PTPDC1: variants seen among roughly 807,000 people sequenced by gnomAD.
PTPDC1 encodes the protein protein tyrosine phosphatase domain containing 1.
A neutral mutation model predicts 75.3 loss-of-function variants in PTPDC1; 53 were observed. The observed-to-expected ratio is 0.70, with a 90% CI of 0.56 to 0.88. The LOEUF (loss-of-function observed/expected upper bound fraction) is 0.88. Among genes scored for constraint, PTPDC1 ranks in the 40% least tolerant of loss-of-function variants. The probability of loss-of-function intolerance (pLI) is 0.00; values close to 1 mark genes in which losing one functional copy is unlikely to be tolerated. For synonymous variants in PTPDC1, 349 were observed against 366.2 expected, an observed-to-expected ratio of 0.95 and a Z score of 0.54; for missense variants, 925 against 998.6, an observed-to-expected ratio of 0.93 and a Z score of 0.99.
chr9:94,054,087 G>C (rs1209357708), intron 1 of PTPDC1, among the ~76,000 whole-genome samples: 2 of 152,148 alleles, frequency 1.3e-5, no homozygotes, highest in Non-Finnish European at 2.9e-5. Flanking sequence ...TGACAAAGCA[G>C]ACAAAAAAAA....
At chr9:94,087,955 T>G in intron 3 of PTPDC1, 44 bp downstream of exon 3, 1 of 1,555,690 alleles carries the variant, frequency 6.4e-7, no homozygotes, top group Non-Finnish European at 8.9e-7. Flanking sequence ...AACTCATGTG[T>G]TTTTTTCTTT....
chr9:94,035,211 T>G (rs747886718), intron 1 of PTPDC1, among the ~76,000 whole-genome samples: 4 of 152,332 alleles, frequency 2.6e-5, no homozygotes, highest in South Asian at 2.1e-4. Context: ...TGCAATATAA[T>G]GTAATACACT....
chr9:94,050,877 G>A (rs940493869), intron 1 of PTPDC1, among the ~76,000 whole-genome samples: 61 of 152,198 alleles, frequency 4.0e-4, no homozygotes, highest in Non-Finnish European at 8.1e-4. Flanking sequence ...CGAGCTTCTC[G>A]GCCGCTTTGT....
Position 94,107,953 on chromosome 9 carries a change from CGTG to C in PTPDC1, c.*13_*15del, listed in dbSNP as rs750955689. The C allele has an allele frequency of 1.5e-5, 23 of 1,505,854 alleles. No individual in the cohort carries two copies. The highest frequency in any genetic ancestry group is 1.7e-4 in the Middle Eastern group (1 of 5,832). The allele number at this position is 1,505,854 out of a possible 1,614,324, so 93.3% of individuals were successfully genotyped here. A position where few individuals can be genotyped will look rare whatever the true frequency, so the allele number is the denominator to read the frequency against. On this transcript the variant is annotated 3_prime_UTR_variant, in exon 9 of 9. Coordinates refer to ENST00000620992, the MANE Select transcript of PTPDC1 (RefSeq NM_001253829.2). ...CTAAGCCTGGCCTCTAGCTTTCACT[CGTG>C]GTGAATATTTCAGACCTAAAGATCC...
At chr9:94,051,439 A>T (rs562042839) in intron 1 of PTPDC1, among the ~76,000 whole-genome samples, 6 of 152,158 alleles carry the variant, frequency 3.9e-5, no homozygotes, top group Non-Finnish European at 8.8e-5. Context: ...GAAATTCTTT[A>T]TCTAGTTTTG....
At chr9:94,105,770 C>T (rs1286384555) in intron 8 of PTPDC1, among the ~76,000 whole-genome samples, 1 of 151,286 alleles carries the variant, frequency 6.6e-6, no homozygotes, top group Non-Finnish European at 1.5e-5. Flanking sequence ...AGATCAAGAC[C>T]ATCCTGGATA....
chr9:94,087,696 T>G (rs1470174734), intron 2 of PTPDC1, 135 bp from the exon 3 acceptor site: 2 of 663,354 alleles, frequency 3.0e-6, no homozygotes, highest in African/African-American at 1.8e-5. Context: ...CAAATAAAAT[T>G]TATACACAAA....
rs1253851790 is a variant in PTPDC1, at chr9:94,088,687, T to G, written c.616+424T>G. On this transcript the variant is annotated intron_variant, in intron 4 of 8. Coordinates refer to ENST00000620992, the MANE Select transcript of PTPDC1 (RefSeq NM_001253829.2). ...CCTGGACATGCTCCAGGTTTACTGC[T>G]GTCCAGCCCTGCTCCCAAAATGATG... Among the ~76,000 whole-genome samples the G allele has an allele frequency of 5.9e-5, 9 of 152,336 alleles. No homozygotes were observed. The East Asian group carries it at 1.7e-3, about 29-fold the overall frequency.
At chr9:94,085,197 A>C (rs1181639507) in intron 1 of PTPDC1, 54 bp from the exon 2 acceptor site, 1 of 1,491,468 alleles carries the variant, frequency 6.7e-7, no homozygotes, top group African/African-American at 1.4e-5. Flanking sequence ...TTCCCATGTT[A>C]CAATTTCATT....
chr9:94,094,039 G>C (rs1383227746), intron 4 of PTPDC1, among the ~76,000 whole-genome samples: 1 of 152,068 alleles, frequency 6.6e-6, no homozygotes, highest in Non-Finnish European at 1.5e-5. Context: ...ATGTCCTCCC[G>C]TAGCTCAGAG....
At chr9:94,064,810 C>A in exon 2 of PTPDC1, 1 of 1,611,870 alleles carries the variant, frequency 6.2e-7, no homozygotes, top group Non-Finnish European at 8.5e-7. Flanking sequence ...GAGTGTGTTG[C>A]AAACATGAAA....
At position 94,097,359 on chromosome 9, in the gene PTPDC1, A is replaced by G; in HGVS notation, c.793A>G (p.Met265Val). The G allele has an allele frequency of 6.2e-7, 1 of 1,612,184 alleles. No individual in the cohort carries two copies. The highest frequency in any genetic ancestry group is 2.2e-5 in the East Asian group (1 of 44,836). The change falls in exon 6 of 9, where the codon ATG becomes GTG. Residue 265 changes from methionine to valine, a missense_variant. Physicochemically the swap from Met to Val is conservative, Grantham distance 21 (BLOSUM62 1). Coordinates refer to ENST00000620992, the MANE Select transcript of PTPDC1 (RefSeq NM_001253829.2). ...IACYLVFATR[M>V]TADQAIIFVR... ...CTGTTACTTAGTTTTTGCAACGAGAATGACTGCTGACCAAGCAATTATATT... is the reference window on the plus strand; with the variant it reads ...CTGTTACTTAGTTTTTGCAACGAGAGTGACTGCTGACCAAGCAATTATATT...
chr9:94,096,182 C>G (rs186905691), intron 5 of PTPDC1, among the ~76,000 whole-genome samples: 9 of 152,308 alleles, frequency 5.9e-5, no homozygotes, highest in Admixed American at 5.2e-4. Flanking sequence ...CTGATCCAAC[C>G]ACATGCAGCT....
intron 1 of PTPDC1, among the ~76,000 whole-genome samples, chr9:94,033,904 T>C (rs1359205239): frequency 6.6e-6 from 1 of 152,054 alleles, no homozygotes; most frequent in Non-Finnish European, 1.5e-5. Flanking sequence ...GGTTTTGCTC[T>C]CTATGACCAA....
chr9:94,101,960 C>T (rs1485816050), intron 7 of PTPDC1, among the ~76,000 whole-genome samples: 1 of 152,162 alleles, frequency 6.6e-6, no homozygotes, highest in African/African-American at 2.4e-5. Context: ...TATCCATAGT[C>T]CTGGGAGAGG....
chr9:94,091,970 CTCTT>C (rs1260148591), intron 4 of PTPDC1, among the ~76,000 whole-genome samples: 209 of 150,198 alleles, frequency 1.4e-3, no homozygotes, highest in African/African-American at 3.7e-3. Context: ...TGATTCTTCT[CTCTT>C]TTTTTCTTTA....
In PTPDC1 at chr9:94,034,607, G is replaced by A. The variant is rs377607710; in HGVS notation, c.-7+3480G>A. ...TGAGAACACAGTTAAAGATTTCCTAGGTCTGAAATGTTTTACAGTTTATCC... is the reference window on the plus strand; with the variant it reads ...TGAGAACACAGTTAAAGATTTCCTAAGTCTGAAATGTTTTACAGTTTATCC... On this transcript the variant is annotated intron_variant, in intron 1 of 9. Transcript: ENST00000375360. Among the ~76,000 whole-genome samples, 8 of 152,222 alleles carry A rather than the reference G, an allele frequency of 5.3e-5. No individual in the cohort carries two copies. The South Asian group carries it at 8.3e-4, about 16-fold the overall frequency.
chr9:94,109,545 A>G lies in PTPDC1; in HGVS notation c.*1601A>G, dbSNP rs1828126912. ...TATTTTCAAGTGCCTGGCCTGGGAA[A>G]GAAGGGGAAGAAACAATTGCATTAT... On this transcript the variant is annotated 3_prime_UTR_variant, in exon 9 of 9. Transcript: ENST00000620992. 6.6e-6 allele frequency: 1 copy of G among 152,056 alleles called. No homozygotes were observed. The highest frequency in any genetic ancestry group is 1.5e-5 in the Non-Finnish European group (1 of 68,044). 9.4% of individuals were successfully genotyped at this position (152,056 alleles called of 1,614,324 possible).
intron 2 of PTPDC1, among the ~76,000 whole-genome samples, chr9:94,065,438 C>T (rs574703117): frequency 1.3e-5 from 2 of 152,328 alleles, no homozygotes; most frequent in East Asian, 3.9e-4. Context: ...CTAACTGCCC[C>T]CTTGGGGCTT....
Sources: allele counts gnomAD v4.1 joint callset (sites outside exome capture counted in the v4.1 genomes callset), GRCh38; gene constraint gnomAD v4.1.1; transcripts MANE v1.5; gene names NCBI Gene and HGNC (gene_info 2026-07-23, HGNC 2026-07-21).